The following ANKRD6 variants were observed in gnomAD, a reference collection of about 807,000 sequenced individuals.
ANKRD6 encodes the protein ankyrin repeat domain 6.
A neutral mutation model predicts 82.3 loss-of-function variants in ANKRD6; 56 were observed. The ratio of observed to expected loss-of-function variants is 0.68; its 90% CI spans 0.55 to 0.85. The LOEUF (loss-of-function observed/expected upper bound fraction) is 0.85. Among genes scored for constraint, ANKRD6 ranks in the 40% least tolerant of loss-of-function variants. The pLI is 0.00. For synonymous variants in ANKRD6, 347 were observed against 352.1 expected (o/e 0.99, Z 0.16); for missense variants, 852 against 907.6 (o/e 0.94, Z 0.79).
chr6:89,507,195 G>A (rs1359717095), intron 1 of ANKRD6, among the ~76,000 whole-genome samples: 1 of 152,108 alleles, frequency 6.6e-6, no homozygotes, highest in Admixed American at 6.5e-5. Flanking sequence ...AAAATAATGG[G>A]TCTGTATTTC....
In ANKRD6 at chr6:89,492,398, C is replaced by T. The variant is rs947753846; in HGVS notation, c.-144+59023C>T. On this transcript the variant is annotated intron_variant, in intron 1 of 15. Transcript: ENST00000339746. ...CCTCTTAGGTAATGGCTCTTAACAC[C>T]GGGTGACCCAGCAAAAAACACAGGG... Among the ~76,000 whole-genome samples, 15 of 152,256 alleles carry T rather than the reference C, an allele frequency of 9.9e-5. No homozygotes were observed. The South Asian group carries it at 1.5e-3, about 15-fold the overall frequency.
At chr6:89,575,445 C>T (rs2128101018) in intron 2 of ANKRD6, among the ~76,000 whole-genome samples, 1 of 152,210 alleles carries the variant, frequency 6.6e-6, no homozygotes, top group East Asian at 1.9e-4. Context: ...ACACTGGTAA[C>T]CATCATGTTT....
At position 89,631,159 on chromosome 6, in the gene ANKRD6, A is replaced by G. The variant is rs1807326205; in HGVS notation, c.*155A>G. The G allele has an allele frequency of 7.6e-7, 1 of 1,318,208 alleles. No homozygotes were observed. The allele number at this position is 1,318,208 out of a possible 1,614,324, so 81.7% of individuals were successfully genotyped here. On this transcript the variant is annotated 3_prime_UTR_variant, in exon 16 of 16. Transcript: ENST00000339746. ...ACAATGTGCCAGATACATGTTTCCT[A>G]TGCCCAGGAAGTTATGAAGACTTCA...
intron 9 of ANKRD6, among the ~76,000 whole-genome samples, chr6:89,619,419 G>A (rs1802430077): frequency 1.3e-5 from 2 of 152,176 alleles, no homozygotes. Flanking sequence ...AAGTCTTACA[G>A]GGTTGGAGGG....
chr6:89,553,075 G>A (rs1265907324), intron 1 of ANKRD6, among the ~76,000 whole-genome samples: 3 of 152,226 alleles, frequency 2.0e-5, no homozygotes, highest in Admixed American at 1.3e-4. Context: ...GCTGCAGAGA[G>A]CTGTGAGAGA....
At chr6:89,514,665 A>G (rs1780998056) in intron 1 of ANKRD6, among the ~76,000 whole-genome samples, 1 of 152,234 alleles carries the variant, frequency 6.6e-6, no homozygotes, top group African/African-American at 2.4e-5. Flanking sequence ...GTAATGCTGC[A>G]GTGAACATTC....
intron 2 of ANKRD6, among the ~76,000 whole-genome samples, chr6:89,584,833 T>A (rs1209559593): frequency 6.6e-6 from 1 of 152,180 alleles, no homozygotes; most frequent in African/African-American, 2.4e-5. Flanking sequence ...AGTCTTAAGA[T>A]CACGGTGCCT....
chr6:89,503,062 C>T (rs1329780990), intron 1 of ANKRD6, among the ~76,000 whole-genome samples: 3 of 152,176 alleles, frequency 2.0e-5, no homozygotes. Flanking sequence ...CTTGGACTCA[C>T]ACAGTTCTTT....
At chr6:89,438,552 G>T (rs854875) in intron 1 of ANKRD6, among the ~76,000 whole-genome samples, 24,930 of 152,236 alleles carry the variant, frequency 0.16, 2,511 homozygotes, top group Non-Finnish European at 0.22. Context: ...GAAAGGAATA[G>T]AACTCTTTGG....
At chr6:89,607,139 C>T (rs992294634) in intron 5 of ANKRD6, among the ~76,000 whole-genome samples, 1 of 146,972 alleles carries the variant, frequency 6.8e-6, no homozygotes. Context: ...CACTGTACTC[C>T]AGCTTGGGTG....
chr6:89,550,288 T>C (rs1023802639), intron 1 of ANKRD6, among the ~76,000 whole-genome samples: 1 of 151,970 alleles, frequency 6.6e-6, no homozygotes, highest in Non-Finnish European at 1.5e-5. Flanking sequence ...TTACCTAAAA[T>C]CTCTTCAACA....
chr6:89,500,395 A>C (rs1472963835), intron 1 of ANKRD6, among the ~76,000 whole-genome samples: 1 of 152,236 alleles, frequency 6.6e-6, no homozygotes, highest in African/African-American at 2.4e-5. Flanking sequence ...ATCACAGTAC[A>C]GGCAGCCTCT....
intron 1 of ANKRD6, among the ~76,000 whole-genome samples, chr6:89,519,378 A>G (rs1048252958): frequency 6.6e-6 from 1 of 152,212 alleles, no homozygotes; most frequent in East Asian, 1.9e-4. Context: ...GTATAGATGG[A>G]TGGGAGAGAG....
chr6:89,548,175 A>G (rs1055575659), intron 1 of ANKRD6, among the ~76,000 whole-genome samples: 1 of 152,174 alleles, frequency 6.6e-6, no homozygotes, highest in Non-Finnish European at 1.5e-5. Context: ...AAGACATCCC[A>G]TACCCATTAA....
At chr6:89,504,210 T>C (rs1488463763) in intron 1 of ANKRD6, among the ~76,000 whole-genome samples, 1 of 151,550 alleles carries the variant, frequency 6.6e-6, no homozygotes, top group Non-Finnish European at 1.5e-5. Context: ...TGAGAGGTGA[T>C]GGAGGCCTGC....
At chr6:89,622,066 G>GCT (rs776147750) in intron 10 of ANKRD6, 40 bp downstream of exon 10, 3 of 1,573,066 alleles carry the variant, frequency 1.9e-6, no homozygotes, top group Non-Finnish European at 2.6e-6. Flanking sequence ...ATCCACCCAT[G>GCT]CTCAGAGGGT....
intron 1 of ANKRD6, among the ~76,000 whole-genome samples, chr6:89,520,732 A>G (rs930122320): frequency 6.6e-6 from 1 of 152,234 alleles, no homozygotes; most frequent in South Asian, 2.1e-4. Flanking sequence ...AGCTTTAATT[A>G]TGATAGTAGT....
chr6:89,526,673 A>T (rs911295913), intron 1 of ANKRD6, among the ~76,000 whole-genome samples: 4 of 152,220 alleles, frequency 2.6e-5, no homozygotes, highest in African/African-American at 4.8e-5. Context: ...ATTTATTTTA[A>T]GGTAGTGGCT....
At chr6:89,460,858 C>T (rs1774040811) in intron 1 of ANKRD6, among the ~76,000 whole-genome samples, 1 of 144,030 alleles carries the variant, frequency 6.9e-6, no homozygotes. Context: ...TCAGAGTCAC[C>T]ATATCTACAC....
Sources: gnomAD v4.1 joint callset for allele counts (sites outside exome capture counted in the v4.1 genomes callset) on GRCh38, gnomAD v4.1.1 for gene constraint, MANE v1.5 for transcripts, NCBI Gene and HGNC (gene_info 2026-07-23, HGNC 2026-07-21) for gene names.